Variants in MAD1L1 observed in about 807,000 individuals in gnomAD.
MAD1L1 encodes the protein mitotic spindle assembly checkpoint protein MAD1.
A neutral mutation model predicts 96.9 loss-of-function variants in MAD1L1; 95 were observed. The observed-to-expected ratio is 0.98, with a 90% CI of 0.83 to 1.16. The LOEUF (loss-of-function observed/expected upper bound fraction) is 1.16, where lower values mean the gene tolerates loss of function less well. MAD1L1 is among the 50% of genes most tolerant of loss of function. The pLI is 0.00. For synonymous variants in MAD1L1, 473 were observed against 396.6 expected (o/e 1.19, Z -2.29); for missense variants, 1,007 against 954.4 (o/e 1.06, Z -0.73).
Position 1,816,045 on chromosome 7 carries a change from C to G in MAD1L1, c.*25G>C, listed in dbSNP as rs1265748098. 6.3e-7 allele frequency: 1 copy of G among 1,589,738 alleles called. No individual in the cohort carries two copies. The highest frequency in any genetic ancestry group is 1.7e-5 in the Admixed American group (1 of 58,342). On this transcript the variant is annotated 3_prime_UTR_variant, in exon 19 of 19. Transcript: ENST00000265854. ...GCAGGTCAGGCCAAGCAGAGTGGCT[C>G]CGGCTATGCCCCCGAGCCTGCAGGC...
chr7:2,049,652 G>A (rs981770291), intron 12 of MAD1L1, among the ~76,000 whole-genome samples: 1 of 152,194 alleles, frequency 6.6e-6, no homozygotes, highest in Non-Finnish European at 1.5e-5. Context: ...TGGAGGGCAG[G>A]AGCCACCCAA....
chr7:1,924,666 G>T (rs914390726), intron 17 of MAD1L1, among the ~76,000 whole-genome samples: 1 of 152,148 alleles, frequency 6.6e-6, no homozygotes, highest in Non-Finnish European at 1.5e-5. Flanking sequence ...ACCCAGGAAC[G>T]CCAGGAAAGA....
intron 18 of MAD1L1, among the ~76,000 whole-genome samples, chr7:1,822,117 G>A (rs746227542): frequency 6.6e-5 from 10 of 152,142 alleles, no homozygotes; most frequent in Non-Finnish European, 1.0e-4. Flanking sequence ...GTGAGTCCAC[G>A]AAGGTTGCAG....
intron 10 of MAD1L1, among the ~76,000 whole-genome samples, chr7:2,191,739 T>A (rs1791728862): frequency 6.8e-6 from 1 of 146,872 alleles, no homozygotes; most frequent in Non-Finnish European, 1.5e-5. Flanking sequence ...TCAAAAAAAT[T>A]AAAAAAAATT....
At chr7:1,938,989 G>GCACA (rs771225963) in intron 16 of MAD1L1, among the ~76,000 whole-genome samples, 2 of 113,228 alleles carry the variant, frequency 1.8e-5, no homozygotes, top group East Asian at 2.9e-4. Flanking sequence ...GACCAGAGGC[G>GCACA]CACACACACG....
intron 18 of MAD1L1, among the ~76,000 whole-genome samples, chr7:1,882,005 C>T (rs1785709870): frequency 6.6e-6 from 1 of 152,192 alleles, no homozygotes; most frequent in Non-Finnish European, 1.5e-5. Context: ...GGCGACCTCC[C>T]CCACACCCTC....
chr7:1,940,880 C>A (rs972334896), intron 16 of MAD1L1, among the ~76,000 whole-genome samples: 1 of 147,560 alleles, frequency 6.8e-6, no homozygotes, highest in African/African-American at 2.5e-5. Context: ...AAGAACCAGG[C>A]CGCACAGCGT....
At chr7:2,016,899 G>A (rs577320363) in intron 12 of MAD1L1, among the ~76,000 whole-genome samples, 12 of 152,372 alleles carry the variant, frequency 7.9e-5, no homozygotes, top group African/African-American at 2.2e-4. Context: ...GACTTTTATC[G>A]TTTCAAGCCA....
At chr7:1,917,133 G>A (rs1236274960) in intron 17 of MAD1L1, among the ~76,000 whole-genome samples, 2 of 152,204 alleles carry the variant, frequency 1.3e-5, no homozygotes, top group Non-Finnish European at 2.9e-5. Context: ...CCATCCATGT[G>A]CCCCAGGGCC....
chr7:2,023,582 A>T (rs1035758223), intron 12 of MAD1L1, among the ~76,000 whole-genome samples: 5 of 152,220 alleles, frequency 3.3e-5, no homozygotes, highest in Non-Finnish European at 5.9e-5. Context: ...AAAAAGAAGG[A>T]TCTAAAATCA....
intron 3 of MAD1L1, among the ~76,000 whole-genome samples, chr7:2,228,768 TCTCA>T (rs1794043923): frequency 6.7e-6 from 1 of 148,284 alleles, no homozygotes; most frequent in African/African-American, 2.5e-5. Flanking sequence ...TGAGACAGGG[TCTCA>T]CTCTGTCACC....
intron 12 of MAD1L1, among the ~76,000 whole-genome samples, chr7:2,018,389 C>T (rs1010766094): frequency 1.3e-5 from 2 of 152,240 alleles, no homozygotes; most frequent in African/African-American, 4.8e-5. Flanking sequence ...GTGGTCACTT[C>T]TGTCCTCGCT....
intron 10 of MAD1L1, among the ~76,000 whole-genome samples, chr7:2,207,533 A>G (rs980941021): frequency 6.6e-6 from 1 of 152,218 alleles, no homozygotes; most frequent in Non-Finnish European, 1.5e-5. Flanking sequence ...AAATAAGGCC[A>G]GGGTTCAGAG....
At chr7:2,173,068 C>A (rs1374119216) in intron 10 of MAD1L1, among the ~76,000 whole-genome samples, 1 of 152,236 alleles carries the variant, frequency 6.6e-6, no homozygotes, top group African/African-American at 2.4e-5. Flanking sequence ...CATAGTCAAA[C>A]TACAAGGCTT....
chr7:1,836,009 G>A (rs1321616215), intron 18 of MAD1L1, among the ~76,000 whole-genome samples: 1 of 152,138 alleles, frequency 6.6e-6, no homozygotes. Flanking sequence ...CAGTGAGGAT[G>A]ACCAGAGGTC....
chr7:2,187,590 T>A (rs1791521015), intron 10 of MAD1L1, among the ~76,000 whole-genome samples: 1 of 152,144 alleles, frequency 6.6e-6, no homozygotes, highest in African/African-American at 2.4e-5. Flanking sequence ...CACCTCAACT[T>A]TCCGAGCAGC....
intron 11 of MAD1L1, among the ~76,000 whole-genome samples, chr7:2,122,934 C>T (rs1788049581): frequency 6.6e-6 from 1 of 152,214 alleles, no homozygotes; most frequent in South Asian, 2.1e-4. Flanking sequence ...GTCTGCCCAT[C>T]CTGCCCTGGT....
At chr7:2,000,867 T>C (rs529334309) in intron 14 of MAD1L1, among the ~76,000 whole-genome samples, 1 of 152,344 alleles carries the variant, frequency 6.6e-6, no homozygotes, top group African/African-American at 2.4e-5. Flanking sequence ...GGTGCCCTGC[T>C]GTTGCCTCTC....
intron 4 of MAD1L1, among the ~76,000 whole-genome samples, chr7:2,223,158 G>A (rs1475277596): frequency 6.6e-6 from 1 of 152,222 alleles, no homozygotes; most frequent in Non-Finnish European, 1.5e-5. Flanking sequence ...GGCACTGAAA[G>A]GAGCTGGCAC....
Sources: allele counts gnomAD v4.1 joint callset (sites outside exome capture counted in the v4.1 genomes callset), GRCh38; gene constraint gnomAD v4.1.1; transcripts MANE v1.5; gene names NCBI Gene and HGNC (gene_info 2026-07-23, HGNC 2026-07-21).